Variants in ASIC2 observed in about 807,000 individuals in gnomAD.
ASIC2 encodes acid-sensing ion channel 2.
A neutral mutation model predicts 57.3 loss-of-function variants in ASIC2; 25 were observed. The observed-to-expected ratio is 0.44, with a 90% CI of 0.32 to 0.61. ASIC2 has a LOEUF of 0.61. Ranked by LOEUF, ASIC2 falls within the 20% of genes least tolerant of loss-of-function variation. The probability of loss-of-function intolerance (pLI) is 0.06; values close to 1 mark genes in which losing one functional copy is unlikely to be tolerated. For missense variants in ASIC2, 641 were observed against 738.1 expected (o/e 0.87, Z 1.52); for synonymous variants, 319 against 307.5 (o/e 1.04, Z -0.39).
chr17:34,125,923 G>A (rs893635979), intron 1 of ASIC2, among the ~76,000 whole-genome samples: 8 of 151,478 alleles, frequency 5.3e-5, no homozygotes, highest in African/African-American at 1.7e-4. Flanking sequence ...AACACAGGAG[G>A]CCATGCCCCC....
Position 33,930,142 on chromosome 17 carries a change from G to A in ASIC2, c.555+225836C>T, listed in dbSNP as rs562821489. Among the ~76,000 whole-genome samples the A allele has an allele frequency of 6.6e-5, 10 of 152,346 alleles. No individual in the cohort carries two copies. The South Asian group carries it at 1.9e-3, about 28-fold the overall frequency. ...TAATAGAAGTCTGAAAGTCTGTTAG[G>A]TAACCGAGGCTGCAAACATCAGTAA... On this transcript the variant is annotated intron_variant, in intron 1 of 9. Transcript: ENST00000359872.
intron 1 of ASIC2, among the ~76,000 whole-genome samples, chr17:33,719,716 G>A (rs774092772): frequency 1.3e-5 from 2 of 152,300 alleles, no homozygotes; most frequent in Non-Finnish European, 2.9e-5. Flanking sequence ...CTTGAGTTGG[G>A]TGTGAGGCAA....
chr17:33,282,901 A>G (rs970069722), intron 1 of ASIC2, among the ~76,000 whole-genome samples: 2 of 152,172 alleles, frequency 1.3e-5, no homozygotes, highest in Admixed American at 6.5e-5. Flanking sequence ...TATTCTCCCT[A>G]TCTCAAAATC....
chr17:33,267,672 T>C (rs563186769), intron 1 of ASIC2, among the ~76,000 whole-genome samples: 1 of 151,818 alleles, frequency 6.6e-6, no homozygotes, highest in South Asian at 2.1e-4. Context: ...GCAACTGGAG[T>C]TCAGGGAAAG....
At chr17:33,227,268 T>C (rs1907916678) in intron 1 of ASIC2, among the ~76,000 whole-genome samples, 1 of 152,224 alleles carries the variant, frequency 6.6e-6, no homozygotes, top group Admixed American at 6.5e-5. Flanking sequence ...TAAAGTCTTC[T>C]AGAATTGTGT....
intron 1 of ASIC2, among the ~76,000 whole-genome samples, chr17:33,663,658 G>A (rs575574185): frequency 2.6e-5 from 4 of 152,212 alleles, no homozygotes; most frequent in African/African-American, 7.2e-5. Context: ...CATGTGGTAG[G>A]GGAACTAATT....
At chr17:33,466,478 T>TG in intron 1 of ASIC2, among the ~76,000 whole-genome samples, 1 of 151,948 alleles carries the variant, frequency 6.6e-6, no homozygotes, top group Admixed American at 6.5e-5. Flanking sequence ...TCCACAGAAT[T>TG]GGGAAAAAAA....
chr17:33,918,825 G>A (rs1238549775), intron 1 of ASIC2, among the ~76,000 whole-genome samples: 1 of 152,220 alleles, frequency 6.6e-6, no homozygotes, highest in Non-Finnish European at 1.5e-5. Context: ...TCACAGGCAT[G>A]TAAACTCTCA....
chr17:33,592,841 A>T (rs1270320465), intron 1 of ASIC2, among the ~76,000 whole-genome samples: 1 of 152,028 alleles, frequency 6.6e-6, no homozygotes, highest in Non-Finnish European at 1.5e-5. Flanking sequence ...AAGGTCTTTG[A>T]CCCTATTGCT....
chr17:33,779,418 G>T (rs570778575), intron 1 of ASIC2, among the ~76,000 whole-genome samples: 7 of 152,252 alleles, frequency 4.6e-5, no homozygotes, highest in Non-Finnish European at 8.8e-5. Context: ...TCCCGGCTCA[G>T]CAAAAGTCTA....
intron 1 of ASIC2, among the ~76,000 whole-genome samples, chr17:33,773,841 T>A (rs1193216577): frequency 6.6e-6 from 1 of 151,876 alleles, no homozygotes; most frequent in East Asian, 1.9e-4. Context: ...TATTATTATT[T>A]TTTTTTGTAG....
chr17:34,095,097 T>C (rs1412071519), intron 1 of ASIC2, among the ~76,000 whole-genome samples: 1 of 152,228 alleles, frequency 6.6e-6, no homozygotes, highest in East Asian at 1.9e-4. Context: ...ATGGAAACAT[T>C]AAACAGGATG....
At chr17:33,748,262 G>T (rs1027451862) in intron 1 of ASIC2, among the ~76,000 whole-genome samples, 1 of 152,130 alleles carries the variant, frequency 6.6e-6, no homozygotes, top group Admixed American at 6.6e-5. Context: ...GAGCACTCTT[G>T]GGCTTCTCCC....
At chr17:33,312,337 G>C (rs528577145) in intron 1 of ASIC2, among the ~76,000 whole-genome samples, 1 of 152,300 alleles carries the variant, frequency 6.6e-6, no homozygotes, top group East Asian at 1.9e-4. Context: ...ATGGTGTCCA[G>C]GTTTCTCTGT....
chr17:33,748,988 G>A (rs1487283933), intron 1 of ASIC2, among the ~76,000 whole-genome samples: 2 of 152,150 alleles, frequency 1.3e-5, no homozygotes, highest in African/African-American at 4.8e-5. Context: ...CTGGGCTCAG[G>A]GGGCCCTCGG....
chr17:33,863,900 GT>G (rs1031021531), intron 1 of ASIC2, among the ~76,000 whole-genome samples: 5,076 of 72,356 alleles, frequency 0.07, 214 homozygotes, highest in African/African-American at 0.22. Flanking sequence ...CTCTTTTTTT[GT>G]TTTTTTTTTT....
intron 1 of ASIC2, among the ~76,000 whole-genome samples, chr17:33,635,964 A>G (rs1407833068): frequency 6.6e-6 from 1 of 152,276 alleles, no homozygotes; most frequent in Admixed American, 6.5e-5. Flanking sequence ...GCCCATGCAT[A>G]CAAAGTAATA....
intron 1 of ASIC2, among the ~76,000 whole-genome samples, chr17:33,831,869 C>T (rs1913123564): frequency 6.6e-6 from 1 of 152,184 alleles, no homozygotes; most frequent in African/African-American, 2.4e-5. Context: ...GAACAAGACT[C>T]CCTGTTCTGT....
chr17:33,319,054 C>T (rs1338504028), intron 1 of ASIC2, among the ~76,000 whole-genome samples: 2 of 152,134 alleles, frequency 1.3e-5, no homozygotes, highest in Non-Finnish European at 2.9e-5. Flanking sequence ...CCCTTGAGAT[C>T]AAGAGTTTGA....
Sources: gnomAD v4.1 joint callset for allele counts (sites outside exome capture counted in the v4.1 genomes callset) on GRCh38, gnomAD v4.1.1 for gene constraint, MANE v1.5 for transcripts, NCBI Gene and HGNC (gene_info 2026-07-23, HGNC 2026-07-21) for gene names.